The following DROSHA variants were observed in gnomAD, a reference collection of about 807,000 sequenced individuals.
DROSHA encodes ribonuclease 3.
Under a neutral mutation model 181.9 loss-of-function variants are expected in DROSHA, and 56 were observed. The observed-to-expected ratio is 0.31, with a 90% CI of 0.25 to 0.38. DROSHA has a LOEUF of 0.38. DROSHA is among the 10% of genes least tolerant of loss of function. The pLI, the probability that DROSHA is intolerant of heterozygous loss-of-function variation, is 1.00. For synonymous variants in DROSHA, 524 were observed against 591.2 expected (o/e 0.89, Z 1.65); for missense variants, 1,218 against 1,743.5 (o/e 0.70, Z 5.37).
At chr5:31,486,391 G>A (rs2150038599) in intron 14 of DROSHA, 100 bp downstream of exon 14, 1 of 1,189,754 alleles carries the variant, frequency 8.4e-7, no homozygotes, top group Admixed American at 2.3e-5. Flanking sequence ...AGATATTCCT[G>A]GCAAAAGCCA....
chr5:31,463,797 A>G (rs1190447524), intron 20 of DROSHA, among the ~76,000 whole-genome samples: 3 of 152,206 alleles, frequency 2.0e-5, no homozygotes, highest in East Asian at 3.9e-4. Flanking sequence ...TAATGCCTTC[A>G]GTTCTCTGCA....
chr5:31,441,412 A>G (rs1474389495), intron 23 of DROSHA, among the ~76,000 whole-genome samples: 1 of 151,850 alleles, frequency 6.6e-6, no homozygotes, highest in African/African-American at 2.4e-5. Context: ...CCATGTCTCA[A>G]AAAAAAAGTA....
chr5:31,447,134 G>C (rs1746406798), intron 23 of DROSHA, among the ~76,000 whole-genome samples: 1 of 152,208 alleles, frequency 6.6e-6, no homozygotes. Flanking sequence ...GATAGAGCTG[G>C]AGGCCATTAT....
chr5:31,428,567 T>C (rs1265200293), intron 27 of DROSHA, among the ~76,000 whole-genome samples: 2 of 152,188 alleles, frequency 1.3e-5, no homozygotes, highest in African/African-American at 4.8e-5. Flanking sequence ...CACATATCTC[T>C]AGAAAAACAA....
At position 31,481,528 on chromosome 5, in the gene DROSHA, T is replaced by C. The variant is rs145179565; in HGVS notation, c.2071+2026A>G. On this transcript the variant is annotated intron_variant, in intron 16 of 35. Coordinates refer to ENST00000344624, the MANE Select transcript of DROSHA (RefSeq NM_001382508.1). The stretch of plus-strand genomic sequence containing the variant: ...TAACACCATTTTCTAATAAGTTTAC[T>C]GTTGAAGCTCCATTCTAAAATCAAA... Among the ~76,000 whole-genome samples the C allele has an allele frequency of 1.7e-3, 266 of 152,344 alleles. 2 individuals are homozygous for C. Among genetic ancestry groups the C allele is most frequent in the African/African-American group, 5.9e-3 (246 of 41,580 alleles).
chr5:31,494,830 A>G (rs1752780788), intron 12 of DROSHA, among the ~76,000 whole-genome samples: 1 of 151,924 alleles, frequency 6.6e-6, no homozygotes, highest in African/African-American at 2.4e-5. Flanking sequence ...GCCCGCCACC[A>G]TGCCCGGCTA....
rs775989425 is a variant in DROSHA, at chr5:31,472,142, T to C, written c.2162A>G (p.Asn721Ser). 8.1e-6 allele frequency: 13 copies of C among 1,613,838 alleles called. No homozygotes were observed. Among genetic ancestry groups the C allele is most frequent in the African/African-American group, 5.3e-5 (4 of 74,902 alleles). Reference sequence around the variant, plus strand: ...CTCCAGCTCCTCCCACTGAAGCATATTGGCAATCTCCTCCTCAGGCACCAG... The same window carrying C: ...CTCCAGCTCCTCCCACTGAAGCATACTGGCAATCTCCTCCTCAGGCACCAG... Reference protein sequence around the residue: ...KALVPEEEIANMLQWEELEWQ... With the variant: ...KALVPEEEIASMLQWEELEWQ... The change falls in exon 17 of 36, where the codon AAT becomes AGT. Residue 721 changes from asparagine (N) to serine (S), a missense_variant. Asn to Ser is a conservative substitution (Grantham distance 46). This residue lies in a region of DROSHA where 460 missense variants were observed against 774.2 expected (regional missense o/e 0.59). Transcript: ENST00000344624.
rs145004415 is a variant in DROSHA at position 31,427,985 on chromosome 5, C to A, written c.3216+1490G>T. On this transcript the variant is annotated intron_variant, in intron 27 of 35. Transcript: ENST00000344624. ...CACTAAAACAAATTCTGAATCTCAA[C>A]CACCCTGTTTGTAAGATAATGTTCA... Among the ~76,000 whole-genome samples, 147 of 152,288 alleles carry A rather than the reference C, an allele frequency of 9.7e-4. 1 individual carries two copies. The highest frequency in any genetic ancestry group is 3.2e-3 in the African/African-American group (133 of 41,564).
intron 20 of DROSHA, 115 bp from the exon 21 acceptor site, chr5:31,451,755 C>A: frequency 1.3e-6 from 1 of 766,498 alleles, no homozygotes; most frequent in Non-Finnish European, 2.1e-6. Context: ...TCACTAAGTC[C>A]TGAAACAGCT....
At chr5:31,453,061 A>C (rs1320388384) in intron 20 of DROSHA, among the ~76,000 whole-genome samples, 1 of 152,204 alleles carries the variant, frequency 6.6e-6, no homozygotes, top group Admixed American at 6.5e-5. Flanking sequence ...GGACATGAAG[A>C]CTATTCAGTG....
chr5:31,473,284 A>G (rs1749963377), intron 16 of DROSHA, among the ~76,000 whole-genome samples: 1 of 152,198 alleles, frequency 6.6e-6, no homozygotes, highest in African/African-American at 2.4e-5. Flanking sequence ...GTTTAATGTG[A>G]ATTGCTGTGG....
At chr5:31,493,100 G>A in intron 13 of DROSHA, 107 bp downstream of exon 13, 3 of 1,141,204 alleles carry the variant, frequency 2.6e-6, no homozygotes, top group Non-Finnish European at 3.8e-6. Context: ...GGGATGCAGA[G>A]GAAATGTTTC....
At chr5:31,481,097 TG>T (rs1392404746) in intron 16 of DROSHA, among the ~76,000 whole-genome samples, 9 of 149,248 alleles carry the variant, frequency 6.0e-5, no homozygotes, top group Non-Finnish European at 1.2e-4. Flanking sequence ...TATATCAAAA[TG>T]TTTTTTTTTA....
intron 6 of DROSHA, among the ~76,000 whole-genome samples, chr5:31,519,714 C>T (rs886612666): frequency 2.0e-5 from 3 of 152,148 alleles, no homozygotes; most frequent in Non-Finnish European, 4.4e-5. Flanking sequence ...ATGTTAAAGA[C>T]AACTGTTAAT....
intron 20 of DROSHA, among the ~76,000 whole-genome samples, chr5:31,456,612 T>C (rs188638736): frequency 6.6e-6 from 1 of 152,124 alleles, no homozygotes; most frequent in Non-Finnish European, 1.5e-5. Flanking sequence ...ATACAAAGGA[T>C]ATGAAGAGGA....
At chr5:31,441,584 T>G (rs1745606073) in intron 23 of DROSHA, among the ~76,000 whole-genome samples, 1 of 152,202 alleles carries the variant, frequency 6.6e-6, no homozygotes, top group Admixed American at 6.5e-5. Flanking sequence ...TTTTCAATAC[T>G]GAGATTTTGC....
At chr5:31,410,968 T>C in intron 30 of DROSHA, 81 bp from the exon 31 acceptor site, 1 of 1,567,564 alleles carries the variant, frequency 6.4e-7, no homozygotes, top group Non-Finnish European at 8.6e-7. Flanking sequence ...CCAACTAGCC[T>C]GAGAGGCTGT....
At chr5:31,427,990 C>T (rs1248438619) in intron 27 of DROSHA, among the ~76,000 whole-genome samples, 1 of 152,148 alleles carries the variant, frequency 6.6e-6, no homozygotes, top group African/African-American at 2.4e-5. Context: ...CTCAACCACC[C>T]TGTTTGTAAG....
At chr5:31,464,201 T>G in intron 20 of DROSHA, 35 bp downstream of exon 20, 1 of 1,584,492 alleles carries the variant, frequency 6.3e-7, no homozygotes, top group Non-Finnish European at 8.6e-7. Flanking sequence ...GGAAGAAAAG[T>G]ATGGGCATAA....
Sources: gnomAD v4.1 joint callset for allele counts (sites outside exome capture counted in the v4.1 genomes callset) on GRCh38, gnomAD v4.1.1 for gene constraint, gnomAD v4.1.1 regional missense constraint, MANE v1.5 for transcripts, NCBI Gene and HGNC (gene_info 2026-07-23, HGNC 2026-07-21) for gene names.